Variants in TTLL10 observed in about 807,000 individuals in gnomAD.
TTLL10 encodes the protein tubulin tyrosine ligase like 10.
Under a neutral mutation model 69.0 loss-of-function variants are expected in TTLL10, and 61 were observed. That is an observed-to-expected ratio of 0.88 (90% CI 0.72 to 1.09). The LOEUF is 1.09. TTLL10 is among the 50% of genes least tolerant of loss of function. The pLI is 0.00. For missense variants in TTLL10, 962 were observed against 945.9 expected, an observed-to-expected ratio of 1.02 and a Z score of -0.22; for synonymous variants, 408 against 393.3, an observed-to-expected ratio of 1.04 and a Z score of -0.44.
At chr1:1,195,356 C>T (rs1648121660) in intron 13 of TTLL10, among the ~76,000 whole-genome samples, 1 of 152,118 alleles carries the variant, frequency 6.6e-6, no homozygotes, top group Non-Finnish European at 1.5e-5. Flanking sequence ...CAATTCAAAT[C>T]TGCTGTTGAG....
At position 1,183,042 on chromosome 1, in the gene TTLL10, G is replaced by A; in HGVS notation, c.1083G>A (p.Val361=). The A allele has an allele frequency of 1.2e-6, 2 of 1,601,286 alleles. No individual in the cohort carries two copies. The highest frequency in any genetic ancestry group is 2.2e-5 in the South Asian group (2 of 88,936). Residue 361 remains valine, a synonymous_variant, in exon 11 of 16, where the codon GTG becomes GTA. Transcript: ENST00000379289. ...TPFRGPQARV[V]QRYIQNPLLV... is the part of the protein sequence containing the mutation. ...TCCGGGGGCCTCAGGCGCGGGTGGT[G>A]CAGAGGTGCGGCGGCGGGTGCCCGG...
chr1:1,193,017 CTTACATTTAATATAAT>C (rs1647938283), intron 13 of TTLL10, among the ~76,000 whole-genome samples: 2 of 152,268 alleles, frequency 1.3e-5, no homozygotes, highest in South Asian at 4.1e-4. Flanking sequence ...GTTTAATTCA[CTTACATTTAATATAAT>C]TACTGATAAA....
chr1:1,191,993 T>C (rs905739698), intron 13 of TTLL10, among the ~76,000 whole-genome samples: 3 of 152,242 alleles, frequency 2.0e-5, no homozygotes, highest in East Asian at 3.9e-4. Context: ...ACCCACAACC[T>C]CCCAGCGTGG....
intron 13 of TTLL10, among the ~76,000 whole-genome samples, chr1:1,191,156 T>C (rs1282066833): frequency 1.9e-4 from 29 of 152,262 alleles, no homozygotes; most frequent in Non-Finnish European, 1.5e-5. Context: ...AGCTTTTCTT[T>C]GACCCATTGG....
rs1445398090 is a variant in TTLL10 at position 1,179,709 on chromosome 1, C to T, written c.171C>T (p.Pro57=). 6.4e-7 allele frequency: 1 copy of T among 1,550,388 alleles called. No homozygotes were observed. Among genetic ancestry groups the T allele is most frequent in the East Asian group, 2.4e-5 (1 of 40,904 alleles). ...CAGCACCGGCCTCACAGCCCGGCCCCTGCCCTGCACCAGGCCACTGCCCTG... is the reference window on the plus strand; with the variant it reads ...CAGCACCGGCCTCACAGCCCGGCCCTTGCCCTGCACCAGGCCACTGCCCTG... ...LHPAPASQPG[P]CPAPGHCPVG... The change falls in exon 5 of 16, where the codon CCC becomes CCT. Residue 57 remains proline (P), a synonymous_variant. Transcript: ENST00000379289.
chr1:1,184,940 G>A (rs1647210643), intron 12 of TTLL10, 29 bp from the exon 13 acceptor site: 1 of 1,574,260 alleles, frequency 6.4e-7, no homozygotes, highest in African/African-American at 1.4e-5. Flanking sequence ...CAGTCTGGGA[G>A]CCAGTCTCCA....
chr1:1,186,264 T>C (rs1363969116), intron 13 of TTLL10, among the ~76,000 whole-genome samples: 1 of 152,104 alleles, frequency 6.6e-6, no homozygotes, highest in Non-Finnish European at 1.5e-5. Context: ...AATTTTTGTA[T>C]TTTTAGTAGA....
At chr1:1,183,348 C>T (rs12097131) in intron 11 of TTLL10, among the ~76,000 whole-genome samples, 3 of 152,160 alleles carry the variant, frequency 2.0e-5, no homozygotes, top group Admixed American at 2.0e-4. Flanking sequence ...CCCCCTACTC[C>T]CCGGCCCAGC....
Position 1,185,590 on chromosome 1 carries a change from G to A in TTLL10, c.1401+481G>A, listed in dbSNP as rs1344208054. 2.0e-6 allele frequency: 2 copies of A among 989,788 alleles called. No homozygotes were observed. Among genetic ancestry groups the A allele is most frequent in the African/African-American group, 1.7e-5 (1 of 57,308 alleles). The allele number at this position is 989,788 out of a possible 1,614,324, so 61.3% of individuals were successfully genotyped here. ...GTTCCTTTCTGTGGGGGTACCTGTGGGGTACTTCAAACAGCCCTAGCAGCA... is the reference window on the plus strand; with the variant it reads ...GTTCCTTTCTGTGGGGGTACCTGTGAGGTACTTCAAACAGCCCTAGCAGCA... On this transcript the variant is annotated intron_variant, in intron 13 of 15. Coordinates refer to ENST00000379289, the MANE Select transcript of TTLL10 (RefSeq NM_001130045.2). This position sits in a 1 kb window ranked among gnomAD's most constrained non-coding sequence, Gnocchi z 6.1.
At position 1,185,856 on chromosome 1, in the gene TTLL10, G is replaced by A. The variant is rs1039292979; in HGVS notation, c.1401+747G>A. The A allele has an allele frequency of 1.4e-5, 14 of 983,838 alleles. No individual in the cohort carries two copies. Among genetic ancestry groups the A allele is most frequent in the Middle Eastern group, 5.2e-4 (1 of 1,936 alleles). 60.9% of individuals were successfully genotyped at this position (983,838 alleles called of 1,614,324 possible). ...ATAATTCACAGAACATAAAATTCAC[G>A]ATCTTAAAGTGTGCAGTTCAGTGGC... is the stretch of plus-strand genomic sequence containing the variant. On this transcript the variant is annotated intron_variant, in intron 13 of 15. Transcript: ENST00000379289. The surrounding 1 kb of genome is among the most constrained non-coding windows in gnomAD (Gnocchi z 6.1).
chr1:1,196,944 C>T (rs1648255081), intron 14 of TTLL10, 149 bp from the exon 15 acceptor site: 4 of 852,366 alleles, frequency 4.7e-6, no homozygotes, highest in Non-Finnish European at 7.5e-6. Flanking sequence ...GCTTCAGACC[C>T]TCAGAGCTTC....
At chr1:1,180,394 C>A in intron 6 of TTLL10, 54 bp downstream of exon 6, 1 of 1,540,980 alleles carries the variant, frequency 6.5e-7, no homozygotes, top group Non-Finnish European at 8.8e-7. Flanking sequence ...CCGCCTGCTC[C>A]CGGGGCCCAG....
At chr1:1,182,191 G>C (rs920336977) in intron 9 of TTLL10, among the ~76,000 whole-genome samples, 170 bp from the exon 10 acceptor site, 2 of 152,230 alleles carry the variant, frequency 1.3e-5, no homozygotes, top group East Asian at 3.9e-4. Context: ...CCGTTGGGGG[G>C]GTGCTGCAAA....
chr1:1,179,488 G>A (rs1207912478), intron 4 of TTLL10, 155 bp downstream of exon 4: 6 of 1,294,910 alleles, frequency 4.6e-6, no homozygotes, highest in East Asian at 2.5e-5. Context: ...GGGGCCAGCT[G>A]TGGGCGCCGG....
intron 3 of TTLL10, chr1:1,175,771 G>A (rs898285892): frequency 1.2e-5 from 5 of 419,302 alleles, no homozygotes; most frequent in Admixed American, 7.6e-5. Context: ...TTGTGCAGGT[G>A]GAGAGGCTGC....
intron 9 of TTLL10, among the ~76,000 whole-genome samples, chr1:1,182,093 C>T (rs1047744809): frequency 6.6e-6 from 1 of 152,304 alleles, no homozygotes; most frequent in South Asian, 2.1e-4. Flanking sequence ...CGGTGCCAGC[C>T]GGGAGAGCAA....
intron 3 of TTLL10, among the ~76,000 whole-genome samples, chr1:1,177,002 G>A (rs1646889465): frequency 6.6e-6 from 1 of 151,936 alleles, no homozygotes; most frequent in African/African-American, 2.4e-5. Flanking sequence ...GCGTCTGTGT[G>A]TCTGTGTGTC....
chr1:1,197,734 C>T lies in TTLL10; in HGVS notation c.1909C>T (p.Pro637Ser). The T allele has an allele frequency of 2.6e-6, 4 of 1,533,198 alleles. No homozygotes were observed. The highest frequency in any genetic ancestry group is 1.4e-5 in the African/African-American group (1 of 71,786). The allele number at this position is 1,533,198 out of a possible 1,614,324, so 95.0% of individuals were successfully genotyped here. A position where few individuals can be genotyped will look rare whatever the true frequency, so the allele number is the denominator to read the frequency against. The change falls in exon 16 of 16, where the codon CCC (proline) becomes TCC (serine). Residue 637 changes from proline to serine, a missense_variant. Physicochemically the swap from Pro to Ser is moderately conservative, Grantham distance 74 (BLOSUM62 -1). Coordinates refer to ENST00000379289, the MANE Select transcript of TTLL10 (RefSeq NM_001130045.2). ...PDLDSAHDGE[P>S]QAPGTEQSGT... ...CCTGGACAGCGCCCACGATGGGGAGCCCCAGGCCCCGGGCACGGAGCAGTC... is the reference window on the plus strand; with the variant it reads ...CCTGGACAGCGCCCACGATGGGGAGTCCCAGGCCCCGGGCACGGAGCAGTC...
In TTLL10 at chr1:1,182,461, G is replaced by T. The variant is rs1647102090; in HGVS notation, c.916+15G>T. Reference sequence around the variant, plus strand: ...CTTGTTTGATGGTGAGACGCTGCTGGCCGGACACCAGGCTGGCCCTGGGGA... The same window carrying T: ...CTTGTTTGATGGTGAGACGCTGCTGTCCGGACACCAGGCTGGCCCTGGGGA... On this transcript the variant is annotated intron_variant, in intron 10 of 15. Coordinates refer to ENST00000379289, the MANE Select transcript of TTLL10 (RefSeq NM_001130045.2). 4 of 1,613,484 alleles carry T rather than the reference G, an allele frequency of 2.5e-6. No homozygotes were observed. The highest frequency in any genetic ancestry group is 3.4e-6 in the Non-Finnish European group (4 of 1,179,646).
Sources: allele counts gnomAD v4.1 joint callset (sites outside exome capture counted in the v4.1 genomes callset), GRCh38; gene constraint gnomAD v4.1.1; non-coding constraint Gnocchi (gnomAD v3.1); transcripts MANE v1.5; gene names NCBI Gene and HGNC (gene_info 2026-07-23, HGNC 2026-07-21).